The following SLC17A2 variants were observed in gnomAD, a reference collection of about 807,000 sequenced individuals.
SLC17A2 encodes sodium-dependent phosphate transport protein 3.
In SLC17A2, 38 loss-of-function variants were observed where a neutral mutation model predicts 52.1. The ratio of observed to expected loss-of-function variants is 0.73; its 90% CI spans 0.56 to 0.96. The LOEUF (loss-of-function observed/expected upper bound fraction) is 0.96, where lower values mean the gene tolerates loss of function less well. Ranked by LOEUF, SLC17A2 falls within the 40% of genes least tolerant of loss-of-function variation. The pLI, the probability that SLC17A2 is intolerant of heterozygous loss-of-function variation, is 0.00. For missense variants in SLC17A2, 508 were observed against 583.9 expected, an observed-to-expected ratio of 0.87 and a Z score of 1.34; for synonymous variants, 226 against 211.9, an observed-to-expected ratio of 1.07 and a Z score of -0.58.
chr6:25,915,149 G>GTATATATATATATACATA (rs1554137785), intron 10 of SLC17A2, among the ~76,000 whole-genome samples: 1 of 57,850 alleles, frequency 1.7e-5, no homozygotes. Context: ...TATTGTGACT[G>GTATATATATATATACATA]TATATATATA....
At chr6:25,914,813 G>A in intron 10 of SLC17A2, 143 bp from the exon 11 acceptor site, 1 of 604,460 alleles carries the variant, frequency 1.7e-6, no homozygotes, top group East Asian at 2.8e-5. Flanking sequence ...GACATTCAGG[G>A]CAATGTCTAT....
intron 8 of SLC17A2, 111 bp downstream of exon 8, chr6:25,916,573 TG>T: frequency 1.1e-6 from 1 of 871,440 alleles, no homozygotes; most frequent in South Asian, 1.6e-5. Flanking sequence ...TCAAGGTCAT[TG>T]TGAAGGTTAA....
intron 1 of SLC17A2, among the ~76,000 whole-genome samples, chr6:25,928,608 G>A (rs1457727297): frequency 6.6e-6 from 1 of 152,180 alleles, no homozygotes; most frequent in African/African-American, 2.4e-5. Flanking sequence ...TCCTTTGCAT[G>A]AGACGAATGC....
rs1286140052 is a variant in SLC17A2, at chr6:25,920,952, G to C, written c.562+54C>G. 5.3e-6 allele frequency: 8 copies of C among 1,499,804 alleles called. No homozygotes were observed. The Middle Eastern group carries it at 6.8e-4, about 127-fold the overall frequency. The allele number at this position is 1,499,804 out of a possible 1,614,324, so 92.9% of individuals were successfully genotyped here. A position where few individuals can be genotyped will look rare whatever the true frequency, so the allele number is the denominator to read the frequency against. On this transcript the variant is annotated intron_variant, in intron 5 of 11. Coordinates refer to ENST00000377850, the MANE Select transcript of SLC17A2 (RefSeq NM_001286123.3). ...AAACCATTTGATTCATAGAAGATAAGACACAGTGGGATGGAACAGATGACA... is the reference window on the plus strand; with the variant it reads ...AAACCATTTGATTCATAGAAGATAACACACAGTGGGATGGAACAGATGACA...
chr6:25,922,365 TAGCAAAAGTGAAC>T, intron 3 of SLC17A2, among the ~76,000 whole-genome samples: 1 of 152,154 alleles, frequency 6.6e-6, no homozygotes, highest in Non-Finnish European at 1.5e-5. Flanking sequence ...TCGGAAAAAA[TAGCAAAAGTGAAC>T]TTGTAGCATT....
chr6:25,929,845 G>A (rs1319827582), intron 1 of SLC17A2, among the ~76,000 whole-genome samples: 1 of 152,084 alleles, frequency 6.6e-6, no homozygotes, highest in Non-Finnish European at 1.5e-5. Flanking sequence ...CTGTCACCTA[G>A]GCTGGAGTGC....
chr6:25,927,823 T>G (rs1043850487), intron 1 of SLC17A2, among the ~76,000 whole-genome samples: 3 of 152,180 alleles, frequency 2.0e-5, no homozygotes, highest in Non-Finnish European at 4.4e-5. Context: ...TGCTCTGCCT[T>G]AGAAGGCCTC....
In SLC17A2 at chr6:25,915,621, A is replaced by G; in HGVS notation, c.1089T>C (p.Ala363=). 1 of 1,613,988 alleles carries G rather than the reference A, an allele frequency of 6.2e-7. No homozygotes were observed. The highest frequency in any genetic ancestry group is 1.7e-4 in the Middle Eastern group (1 of 6,058). Residue 363 remains alanine (A), a synonymous_variant, in exon 10 of 12, where the codon GCT becomes GCC. Transcript: ENST00000377850. Reference sequence around the variant, plus strand: ...TGGAGGCCACAAAGGGCAGGGCCACAGCACATATTGATGGAAGGAGGAGCC... The same window carrying G: ...TGGAGGCCACAAAGGGCAGGGCCACGGCACATATTGATGGAAGGAGGAGCC... ...SLGLLLPSIC[A]VALPFVASSY...
At chr6:25,926,375 T>C (rs973275580) in intron 1 of SLC17A2, among the ~76,000 whole-genome samples, 10 of 152,154 alleles carry the variant, frequency 6.6e-5, no homozygotes, top group Non-Finnish European at 1.0e-4. Flanking sequence ...ACATGAAGGA[T>C]GACATTACAT....
chr6:25,913,773 GTT>G, intron 11 of SLC17A2, among the ~76,000 whole-genome samples: 1 of 67,498 alleles, frequency 1.5e-5, no homozygotes, highest in African/African-American at 5.5e-5. Context: ...TGTCTTCTCT[GTT>G]TTTTTTTGTT....
At chr6:25,914,509 G>C in intron 11 of SLC17A2, 71 bp downstream of exon 11, 1 of 948,518 alleles carries the variant, frequency 1.1e-6, no homozygotes, top group Non-Finnish European at 1.7e-6. Flanking sequence ...CAGATCTTTA[G>C]AGCACCGTGT....
At chr6:25,928,604 G>T (rs989948727) in intron 1 of SLC17A2, among the ~76,000 whole-genome samples, 15 of 152,034 alleles carry the variant, frequency 9.9e-5, no homozygotes, top group African/African-American at 3.6e-4. Context: ...ATTTTCCTTT[G>T]CATGAGACGA....
intron 2 of SLC17A2, among the ~76,000 whole-genome samples, chr6:25,924,755 G>A (rs1423610673): frequency 6.6e-6 from 1 of 150,940 alleles, no homozygotes; most frequent in Non-Finnish European, 1.5e-5. Context: ...GTTGCAATGA[G>A]CCAAGATCAT....
chr6:25,928,919 T>A (rs187840383), intron 1 of SLC17A2, among the ~76,000 whole-genome samples: 178 of 152,278 alleles, frequency 1.2e-3, no homozygotes, highest in African/African-American at 4.1e-3. Flanking sequence ...AAGGAAAATG[T>A]TATATTAAAA....
rs1345141021 is a variant in SLC17A2, at chr6:25,923,756, T to G, written c.179A>C (p.Glu60Ala). The change falls in exon 3 of 12, where the codon GAG becomes GCG. Residue 60 changes from glutamate (E) to alanine (A), a missense_variant. Glu to Ala is a moderately radical substitution (Grantham distance 107, BLOSUM62 -1). Coordinates refer to ENST00000377850, the MANE Select transcript of SLC17A2 (RefSeq NM_001286123.3). ...QQQGLSNAST[E>A]GPVADAFNNS... ...ATTGAAGGCATCTGCAACAGGCCCC[T>G]CAGTGGAGGCATTAGATAGACCTTG... 6.2e-7 allele frequency: 1 copy of G among 1,614,058 alleles called. No individual in the cohort carries two copies. Among genetic ancestry groups the G allele is most frequent in the Non-Finnish European group, 8.5e-7 (1 of 1,180,038 alleles).
chr6:25,921,585 T>C (rs887635080), intron 3 of SLC17A2, among the ~76,000 whole-genome samples, 173 bp from the exon 4 acceptor site: 8 of 129,652 alleles, frequency 6.2e-5, no homozygotes, highest in Non-Finnish European at 8.7e-5. Context: ...TTGCTTGTCT[T>C]AGTAGAAGGA....
At chr6:25,914,532 C>A (rs368226082) in intron 11 of SLC17A2, 48 bp downstream of exon 11, 6 of 1,209,950 alleles carry the variant, frequency 5.0e-6, no homozygotes, top group African/African-American at 4.4e-5. Context: ...ATCTCCAACA[C>A]CTAAAACAAT....
chr6:25,929,891 C>T (rs1009031011), intron 1 of SLC17A2, among the ~76,000 whole-genome samples: 1 of 152,180 alleles, frequency 6.6e-6, no homozygotes, highest in African/African-American at 2.4e-5. Context: ...CCTCTACGTC[C>T]TGGGTTCAAG....
At chr6:25,917,265 T>G (rs1766363021) in intron 6 of SLC17A2, among the ~76,000 whole-genome samples, 178 bp from the exon 7 acceptor site, 1 of 152,236 alleles carries the variant, frequency 6.6e-6, no homozygotes, top group Non-Finnish European at 1.5e-5. Context: ...GTTAAAGCTT[T>G]TTAGATATTA....
Sources: gnomAD v4.1 joint callset for allele counts (sites outside exome capture counted in the v4.1 genomes callset) on GRCh38, gnomAD v4.1.1 for gene constraint, MANE v1.5 for transcripts, NCBI Gene and HGNC (gene_info 2026-07-23, HGNC 2026-07-21) for gene names.